Variants in LHX6 observed in about 807,000 individuals in gnomAD.
LHX6 encodes LIM/homeobox protein Lhx6.
A neutral mutation model predicts 47.1 loss-of-function variants in LHX6; 15 were observed. The ratio of observed to expected loss-of-function variants is 0.32; its 90% confidence interval spans 0.21 to 0.49. The LOEUF (loss-of-function observed/expected upper bound fraction) is 0.49, where lower values mean the gene tolerates loss of function less well. Ranked by LOEUF, LHX6 falls within the 20% of genes least tolerant of loss-of-function variation. The pLI, the probability that LHX6 is intolerant of heterozygous loss-of-function variation, is 0.99. For missense variants in LHX6, 404 were observed against 539.6 expected (o/e 0.75, Z 2.49); for synonymous variants, 242 against 233.5 (o/e 1.04, Z -0.33).
intron 4 of LHX6, among the ~76,000 whole-genome samples, chr9:122,223,554 G>A (rs749393334): frequency 3.3e-5 from 5 of 152,178 alleles, no homozygotes; most frequent in Non-Finnish European, 7.3e-5. Context: ...TGGCAGCTCT[G>A]GGAGACAGCC....
At position 122,213,062 on chromosome 9, in the gene LHX6, T is replaced by C. The variant is rs1368596675; in HGVS notation, c.1054+544A>G. Among the ~76,000 whole-genome samples the C allele has an allele frequency of 6.6e-6, 1 of 152,048 alleles. No homozygotes were observed. Among genetic ancestry groups the C allele is most frequent in the Admixed American group, 6.5e-5 (1 of 15,272 alleles). ...TCCCCAGAACACACCCATGCCACGA[T>C]GCTTTCTGGGCCAGGGCCTGCGTGC... On this transcript the variant is annotated intron_variant, in intron 8 of 9. Transcript: ENST00000394319. The surrounding 1 kb of genome is among the most constrained non-coding windows in gnomAD (Gnocchi z 5.5).
chr9:122,214,398 A>G lies in LHX6; in HGVS notation c.683-15T>C, dbSNP rs749116982. ...GAGGCCGTTCCCTGGGGGCGATAGA[A>G]GCAGCTGACCACGCGTCCCCATCTC... On this transcript the variant is annotated splice_polypyrimidine_tract_variant and intron_variant, in intron 5 of 9. Transcript: ENST00000394319. This position sits in a 1 kb window ranked among gnomAD's most constrained non-coding sequence, Gnocchi z 4.6. 2.6e-6 allele frequency: 4 copies of G among 1,551,356 alleles called. No homozygotes were observed. In the Admixed American group the frequency reaches 7.9e-5, roughly 31 times the overall value.
intron 5 of LHX6, among the ~76,000 whole-genome samples, chr9:122,215,015 C>A (rs1437969900): frequency 6.6e-6 from 1 of 152,180 alleles, no homozygotes; most frequent in Non-Finnish European, 1.5e-5. Flanking sequence ...GTTAGATATT[C>A]TCTTTCCACT....
At chr9:122,208,320 C>A (rs1830263901) in intron 9 of LHX6, among the ~76,000 whole-genome samples, 1 of 152,086 alleles carries the variant, frequency 6.6e-6, no homozygotes, top group African/African-American at 2.4e-5. Context: ...GTCTTCCCTG[C>A]CTCTCTCCTT....
chr9:122,226,346 G>T lies in LHX6; in HGVS notation c.461+30C>A. The T allele has an allele frequency of 1.3e-6, 2 of 1,596,780 alleles. No homozygotes were observed. Among genetic ancestry groups the T allele is most frequent in the South Asian group, 2.2e-5 (2 of 89,398 alleles). On this transcript the variant is annotated intron_variant, in intron 4 of 9. Transcript: ENST00000394319. This position sits in a 1 kb window ranked among gnomAD's most constrained non-coding sequence, Gnocchi z 6.5. The stretch of plus-strand genomic sequence containing the variant: ...AATGCGCCCGGGGCCTGCCCTCGGC[G>T]ACACTGCTGGCTCGGCGGCCGCAGC...
intron 4 of LHX6, among the ~76,000 whole-genome samples, chr9:122,218,664 C>G (rs570412307): frequency 5.1e-4 from 77 of 152,268 alleles, no homozygotes; most frequent in African/African-American, 1.7e-3. Context: ...TGGCTCCACT[C>G]TACCCTCAGG....
chr9:122,218,927 G>A (rs1830704931), intron 4 of LHX6, among the ~76,000 whole-genome samples: 1 of 152,012 alleles, frequency 6.6e-6, no homozygotes, highest in South Asian at 2.1e-4. Context: ...TGACCACACT[G>A]GTTTGTAAAT....
Position 122,228,684 on chromosome 9 carries a change from C to A in LHX6, c.57G>T (p.Pro19=). The A allele has an allele frequency of 7.8e-7, 1 of 1,287,880 alleles. No homozygotes were observed. The highest frequency in any genetic ancestry group is 2.7e-5 in the South Asian group (1 of 37,464). 79.8% of individuals were successfully genotyped at this position (1,287,880 alleles called of 1,614,324 possible). ...APALPEGCRL[P]AEGGPATDQV... is the part of the protein sequence containing the mutation. ...GGTCGGTGGCGGGGCCGCCCTCGGC[C>A]GGCAGCCGGCAGCCCTCGGGCAACG... Residue 19 remains proline, a synonymous_variant, in exon 1 of 10, where the codon CCG becomes CCT. Coordinates refer to ENST00000394319, the MANE Select transcript of LHX6 (RefSeq NM_014368.5).
Position 122,228,672 on chromosome 9 carries a change from G to A in LHX6, c.69C>T (p.Gly23=). The change falls in exon 1 of 10, where the codon GGC becomes GGT. Residue 23 remains glycine (G), a synonymous_variant. Coordinates refer to ENST00000394319, the MANE Select transcript of LHX6 (RefSeq NM_014368.5). ...PEGCRLPAEG[G]PATDQVMAQP... ...GCCGGCTCACCTGGTCGGTGGCGGG[G>A]CCGCCCTCGGCCGGCAGCCGGCAGC... The A allele has an allele frequency of 2.3e-6, 3 of 1,288,124 alleles. No homozygotes were observed. Among genetic ancestry groups the A allele is most frequent in the South Asian group, 2.6e-5 (1 of 38,054 alleles). 79.8% of individuals were successfully genotyped at this position (1,288,124 alleles called of 1,614,324 possible).
rs1254847391 is a variant in LHX6 at position 122,226,982 on chromosome 9, C to T, written c.205G>A (p.Gly69Ser). 5.8e-6 allele frequency: 9 copies of T among 1,543,714 alleles called. No homozygotes were observed. Among genetic ancestry groups the T allele is most frequent in the Admixed American group, 2.0e-5 (1 of 50,234 alleles). Residue 69 changes from glycine (G) to serine (S), a missense_variant, in exon 3 of 10, where the codon GGT (glycine) becomes AGT (serine). By Grantham distance (56) the Gly-to-Ser change is moderately conservative. This residue lies in a region of LHX6 where 144 missense variants were observed against 128.7 expected (regional missense o/e 1.12). Transcript: ENST00000394319. The surrounding 1 kb of genome is among the most constrained non-coding windows in gnomAD (Gnocchi z 6.5). ...ALAGALDKDE[G>S]QASPCTPSTP... is the part of the protein sequence containing the mutation. ...CTGGGCGTACATGGGGAGGCCTGACCCTCGTCCTTGTCCAGAGCTCCTGCC... is the reference window on the plus strand; with the variant it reads ...CTGGGCGTACATGGGGAGGCCTGACTCTCGTCCTTGTCCAGAGCTCCTGCC...
intron 4 of LHX6, among the ~76,000 whole-genome samples, chr9:122,220,439 G>C (rs960538637): frequency 2.0e-5 from 3 of 152,212 alleles, no homozygotes; most frequent in African/African-American, 4.8e-5. Flanking sequence ...GCAGCACGAA[G>C]GGCGCGAGGA....
chr9:122,221,813 C>T, intron 4 of LHX6: 1 of 684,800 alleles, frequency 1.5e-6, no homozygotes, highest in Non-Finnish European at 1.8e-6. Context: ...CCCCACGATG[C>T]ACAGACGGGT....
intron 2 of LHX6, 101 bp downstream of exon 2, chr9:122,227,308 C>T: frequency 8.2e-7 from 1 of 1,221,440 alleles, no homozygotes; most frequent in Admixed American, 3.3e-5. Context: ...CGGGAGTCCC[C>T]CAGAGCGTGA....
chr9:122,219,496 G>A (rs939307755), intron 4 of LHX6, among the ~76,000 whole-genome samples: 2 of 152,186 alleles, frequency 1.3e-5, no homozygotes, highest in African/African-American at 2.4e-5. Flanking sequence ...CCCGGGTTCC[G>A]CCACCCGGCT....
At position 122,213,899 on chromosome 9, in the gene LHX6, A is replaced by G. The variant is rs770983714; in HGVS notation, c.879+75T>C. 2 of 1,522,580 alleles carry G rather than the reference A, an allele frequency of 1.3e-6. No individual in the cohort carries two copies. The highest frequency in any genetic ancestry group is 1.8e-6 in the Non-Finnish European group (2 of 1,123,434). The allele number at this position is 1,522,580 out of a possible 1,614,324, so 94.3% of individuals were successfully genotyped here. ...AGAAGGATGGCCACGTGCACGCACC[A>G]CCCTCCGCGCCGAGCCCAGCTACGA... On this transcript the variant is annotated intron_variant, in intron 7 of 9. Coordinates refer to ENST00000394319, the MANE Select transcript of LHX6 (RefSeq NM_014368.5). This position sits in a 1 kb window ranked among gnomAD's most constrained non-coding sequence, Gnocchi z 5.5.
intron 4 of LHX6, among the ~76,000 whole-genome samples, chr9:122,223,139 T>G (rs1405851809): frequency 6.6e-6 from 1 of 152,228 alleles, no homozygotes; most frequent in African/African-American, 2.4e-5. Flanking sequence ...ATCGGCTTTT[T>G]CTTTCCCTTT....
At position 122,213,545 on chromosome 9, in the gene LHX6, G is replaced by C. The variant is rs1227203270; in HGVS notation, c.1054+61C>G. 2.8e-6 allele frequency: 4 copies of C among 1,449,146 alleles called. No individual in the cohort carries two copies. The highest frequency in any genetic ancestry group is 2.8e-5 in the African/African-American group (2 of 70,824). 89.8% of individuals were successfully genotyped at this position (1,449,146 alleles called of 1,614,324 possible). On this transcript the variant is annotated intron_variant, in intron 8 of 9. Transcript: ENST00000394319. The surrounding 1 kb of genome is among the most constrained non-coding windows in gnomAD (Gnocchi z 5.5). ...CCACGCCTCGGCCTCAGCCGCCCAC[G>C]TGCGCTCCTCCGCGCCCCCTCCCCG...
In LHX6 at chr9:122,227,492, GGGGAGGGA is replaced by G; in HGVS notation, c.85-20_85-13del. ...GGCTGGGCCATCACCTGGGGGAGGGGGGGAGGGAACGCAGGCGGCGGCGGCTGCTGAAC... is the reference window on the plus strand; with the variant it reads ...GGCTGGGCCATCACCTGGGGGAGGGGACGCAGGCGGCGGCGGCTGCTGAAC... On this transcript the variant is annotated splice_polypyrimidine_tract_variant and intron_variant, in intron 1 of 9. Transcript: ENST00000394319. 6.6e-7 allele frequency: 1 copy of G among 1,523,668 alleles called. No individual in the cohort carries two copies. The highest frequency in any genetic ancestry group is 8.8e-7 in the Non-Finnish European group (1 of 1,138,876). 94.4% of individuals were successfully genotyped at this position (1,523,668 alleles called of 1,614,324 possible). A position where few individuals can be genotyped will look rare whatever the true frequency, so the allele number is the denominator to read the frequency against.
Position 122,213,865 on chromosome 9 carries a change from G to T in LHX6, c.880-85C>A. On this transcript the variant is annotated intron_variant, in intron 7 of 9. Transcript: ENST00000394319. The surrounding 1 kb of genome is among the most constrained non-coding windows in gnomAD (Gnocchi z 5.5). ...AGACCCCAGGCGGGACTGCCTCGTC[G>T]CCTCCTGGAGAAGGATGGCCACGTG... is the stretch of plus-strand genomic sequence containing the variant. 1 of 1,518,816 alleles carries T rather than the reference G, an allele frequency of 6.6e-7. No homozygotes were observed. Among genetic ancestry groups the T allele is most frequent in the Non-Finnish European group, 8.9e-7 (1 of 1,124,334 alleles). The allele number at this position is 1,518,816 out of a possible 1,614,324, so 94.1% of individuals were successfully genotyped here. A position where few individuals can be genotyped will look rare whatever the true frequency, so the allele number is the denominator to read the frequency against.
Sources: gnomAD v4.1 joint callset for allele counts (sites outside exome capture counted in the v4.1 genomes callset) on GRCh38, gnomAD v4.1.1 for gene constraint, gnomAD v4.1.1 regional missense constraint, Gnocchi (gnomAD v3.1) non-coding constraint, MANE v1.5 for transcripts, NCBI Gene and HGNC (gene_info 2026-07-23, HGNC 2026-07-21) for gene names.